The following LAMA3 variants were observed in gnomAD, a reference collection of about 807,000 sequenced individuals.
The protein encoded by LAMA3 is laminin subunit alpha-3.
A neutral mutation model predicts 402.0 loss-of-function variants in LAMA3; 281 were observed. The ratio of observed to expected loss-of-function variants is 0.70; its 90% CI spans 0.63 to 0.77. LAMA3 has a LOEUF of 0.77. Among genes scored for constraint, LAMA3 ranks in the 30% least tolerant of loss-of-function variants. The pLI is 0.00. For synonymous variants in LAMA3, 1,431 were observed against 1,558.4 expected (o/e 0.92, Z 1.93); for missense variants, 3,840 against 4,215.5 (o/e 0.91, Z 2.47).
chr18:23,723,350 G>A (rs189328279), intron 2 of LAMA3, among the ~76,000 whole-genome samples: 4 of 152,266 alleles, frequency 2.6e-5, no homozygotes, highest in Non-Finnish European at 5.9e-5. Flanking sequence ...AATAAAAGGG[G>A]ACTGACTCAG....
intron 60 of LAMA3, among the ~76,000 whole-genome samples, chr18:23,919,701 G>A (rs529694856): frequency 4.6e-5 from 7 of 152,154 alleles, no homozygotes; most frequent in Non-Finnish European, 8.8e-5. Flanking sequence ...AGGGCAGGGA[G>A]CACTCAGTGG....
At chr18:23,802,383 G>A (rs188733188) in intron 12 of LAMA3, among the ~76,000 whole-genome samples, 31 of 152,242 alleles carry the variant, frequency 2.0e-4, no homozygotes, top group Non-Finnish European at 3.5e-4. Context: ...TTCTTGAAGG[G>A]TCTAGGACAT....
intron 5 of LAMA3, among the ~76,000 whole-genome samples, chr18:23,753,058 G>A (rs969548363): frequency 8.5e-5 from 13 of 152,246 alleles, no homozygotes; most frequent in Non-Finnish European, 1.5e-4. Context: ...ACATATTGGA[G>A]AGGGGCCTTG....
intron 70 of LAMA3, among the ~76,000 whole-genome samples, chr18:23,948,081 G>A (rs2082773141): frequency 3.9e-5 from 6 of 152,056 alleles, no homozygotes; most frequent in Admixed American, 3.9e-4. Flanking sequence ...CAAAGTGCTG[G>A]GATTACAGGC....
intron 67 of LAMA3, 114 bp from the exon 68 acceptor site, chr18:23,939,100 GCCTTCTATT>G: frequency 1.0e-6 from 1 of 999,908 alleles, no homozygotes; most frequent in East Asian, 2.4e-5. Context: ...ATGGTACCAG[GCCTTCTATT>G]GCCCTACTGA....
At chr18:23,896,335 C>CA (rs1275415055) in intron 44 of LAMA3, among the ~76,000 whole-genome samples, 3 of 151,996 alleles carry the variant, frequency 2.0e-5, no homozygotes, top group Non-Finnish European at 4.4e-5. Context: ...GACTCCATCT[C>CA]AAAAAACAAA....
At chr18:23,833,795 G>T in intron 23 of LAMA3, 33 bp from the exon 24 acceptor site, 2 of 1,611,832 alleles carry the variant, frequency 1.2e-6, no homozygotes, top group Non-Finnish European at 1.7e-6. Context: ...GTCACAGCTG[G>T]ATCACAGTCT....
intron 42 of LAMA3, among the ~76,000 whole-genome samples, chr18:23,890,610 T>A (rs543508759): frequency 3.3e-5 from 5 of 152,306 alleles, no homozygotes; most frequent in African/African-American, 1.2e-4. Flanking sequence ...TATGGTTTAT[T>A]AGGAGCAACT....
At chr18:23,816,051 GTTGTC>G (rs1406346487) in intron 17 of LAMA3, among the ~76,000 whole-genome samples, 4 of 152,142 alleles carry the variant, frequency 2.6e-5, no homozygotes, top group Non-Finnish European at 5.9e-5. Context: ...CTGGGCTGCT[GTTGTC>G]TTTGCATTGG....
chr18:23,916,299 A>G (rs533847442), intron 59 of LAMA3, among the ~76,000 whole-genome samples: 364 of 152,280 alleles, frequency 2.4e-3, no homozygotes, highest in Admixed American at 4.6e-3. Flanking sequence ...CTAAGCAGAC[A>G]TTTCCAAAAG....
intron 3 of LAMA3, among the ~76,000 whole-genome samples, chr18:23,748,892 A>G (rs962324169): frequency 2.0e-5 from 3 of 152,192 alleles, no homozygotes; most frequent in Admixed American, 6.5e-5. Context: ...TCCTTTTATG[A>G]TAACAGTTCT....
At chr18:23,703,258 A>C (rs1018293711) in intron 1 of LAMA3, among the ~76,000 whole-genome samples, 9 of 152,224 alleles carry the variant, frequency 5.9e-5, no homozygotes, top group Non-Finnish European at 1.2e-4. Context: ...TGGTATGATC[A>C]CACCACCTGG....
intron 52 of LAMA3, 34 bp downstream of exon 52, chr18:23,905,658 C>A: frequency 7.7e-7 from 1 of 1,290,486 alleles, no homozygotes; most frequent in South Asian, 1.2e-5. Flanking sequence ...CAGGGATAGT[C>A]AGGAGCTTTA....
intron 27 of LAMA3, 26 bp from the exon 28 acceptor site, chr18:23,842,369 T>A: frequency 1.2e-6 from 2 of 1,614,072 alleles, no homozygotes; most frequent in Non-Finnish European, 1.7e-6. Flanking sequence ...TTTTTAATTT[T>A]TTTTCCTCCT....
chr18:23,758,917 G>A (rs971588028), intron 7 of LAMA3, among the ~76,000 whole-genome samples: 11 of 152,198 alleles, frequency 7.2e-5, no homozygotes, highest in African/African-American at 2.2e-4. Context: ...CAGGGAGCTG[G>A]GAGTACTGGA....
intron 22 of LAMA3, 64 bp downstream of exon 22, chr18:23,826,863 C>A (rs1285839064): frequency 6.3e-6 from 6 of 953,062 alleles, no homozygotes; most frequent in South Asian, 1.4e-5. Flanking sequence ...GCCTTTAATG[C>A]AAGCTTTCAT....
intron 7 of LAMA3, among the ~76,000 whole-genome samples, chr18:23,760,074 C>T (rs1003857631): frequency 2.0e-5 from 3 of 152,042 alleles, no homozygotes; most frequent in African/African-American, 4.8e-5. Context: ...ACATGAATTC[C>T]AGCATTTGCA....
intron 70 of LAMA3, among the ~76,000 whole-genome samples, chr18:23,947,152 G>A (rs760486884): frequency 1.4e-4 from 22 of 152,132 alleles, no homozygotes; most frequent in Non-Finnish European, 2.8e-4. Flanking sequence ...CTGATGGGGC[G>A]CTCTGATGGG....
intron 19 of LAMA3, 49 bp downstream of exon 19, chr18:23,820,046 TCCCCA>T: frequency 1.3e-6 from 2 of 1,590,394 alleles, no homozygotes; most frequent in Non-Finnish European, 1.7e-6. Context: ...CTCAGATACT[TCCCCA>T]CACCAGTCTC....
Sources: allele counts gnomAD v4.1 joint callset (sites outside exome capture counted in the v4.1 genomes callset), GRCh38; gene constraint gnomAD v4.1.1; transcripts MANE v1.5; gene names NCBI Gene and HGNC (gene_info 2026-07-23, HGNC 2026-07-21).